CCDC187: variants seen among roughly 807,000 people sequenced by gnomAD.
CCDC187 encodes coiled-coil domain-containing protein 187.
A neutral mutation model predicts 38.0 loss-of-function variants in CCDC187; 32 were observed. The observed-to-expected ratio is 0.84, with a 90% CI of 0.64 to 1.13. The LOEUF is 1.13. CCDC187 is among the 50% of genes most tolerant of loss of function. CCDC187 has a pLI of 0.00. For synonymous variants in CCDC187, 333 were observed against 347.9 expected, an observed-to-expected ratio of 0.96 and a Z score of 0.48; for missense variants, 707 against 786.8, an observed-to-expected ratio of 0.90 and a Z score of 1.21.
In CCDC187 at chr9:136,254,564, GAC is replaced by G. The variant is rs1554760029; in HGVS notation, c.5262_5263del (p.Ser1755ArgfsTer113). ...CTCCCAAACTTTGCTGGAGGCCTCT[GAC>G]AGCTCTGACCCTGACCTTGGAGAGG... On this transcript the variant is annotated frameshift_variant, in exon 26 of 26. Coordinates refer to ENST00000638797, the MANE Select transcript of CCDC187 (RefSeq NM_001378188.1). LOFTEE classifies it low-confidence loss of function (END_TRUNC). 1.0e-6 allele frequency: 1 copy of G among 985,418 alleles called. No individual in the cohort carries two copies. The highest frequency in any genetic ancestry group is 6.1e-5 in the Admixed American group (1 of 16,276). The allele number at this position is 985,418 out of a possible 1,614,324, so 61.0% of individuals were successfully genotyped here.
In CCDC187 at chr9:136,300,983, G is replaced by A. The variant is rs1030866981; in HGVS notation, c.626-665C>T. 5.8e-3 allele frequency among the ~76,000 whole-genome samples: 886 copies of A among 152,344 alleles called. 8 individuals carry two copies. The highest frequency in any genetic ancestry group is 0.028 in the South Asian group (134 of 4,826). ...TGGGGCCATCAGGAGCTGCACCAGCGCTTGGCACGACGCAGGCATCTCACA... is the reference window on the plus strand; with the variant it reads ...TGGGGCCATCAGGAGCTGCACCAGCACTTGGCACGACGCAGGCATCTCACA... On this transcript the variant is annotated intron_variant, in intron 2 of 25. Coordinates refer to ENST00000638797, the MANE Select transcript of CCDC187 (RefSeq NM_001378188.1).
Position 136,303,756 on chromosome 9 carries a change from C to G in CCDC187, c.75G>C (p.Gln25His), listed in dbSNP as rs1452643188. The G allele has an allele frequency of 6.6e-6, 1 of 152,330 alleles. No homozygotes were observed. Among genetic ancestry groups the G allele is most frequent in the Non-Finnish European group, 1.5e-5 (1 of 68,102 alleles). 9.4% of individuals were successfully genotyped at this position (152,330 alleles called of 1,614,324 possible). A position where few individuals can be genotyped will look rare whatever the true frequency, so the allele number is the denominator to read the frequency against. The change falls in exon 1 of 26, where the codon CAG becomes CAC. Residue 25 changes from glutamine (Q) to histidine (H), a missense_variant. Transcript: ENST00000638797. Reference sequence around the variant, plus strand: ...CCCCATGGGAGAAGGGGCCCTGCCTCTGGCTGTTCTTGTGGCAGGGCTGAG... The same window carrying G: ...CCCCATGGGAGAAGGGGCCCTGCCTGTGGCTGTTCTTGTGGCAGGGCTGAG... ...DTPQPCHKNS[Q>H]RQGPFSHGAP... is the part of the protein sequence containing the mutation.
In CCDC187 at chr9:136,253,155, T is replaced by C. The variant is rs1554759782; in HGVS notation, c.*439A>G. 1 of 152,266 alleles carries C rather than the reference T, an allele frequency of 6.6e-6. No individual in the cohort carries two copies. Among genetic ancestry groups the C allele is most frequent in the African/African-American group, 2.4e-5 (1 of 41,394 alleles). 9.4% of individuals were successfully genotyped at this position (152,266 alleles called of 1,614,324 possible). ...AGGGACCCTGCCGCAGGTGAGGCAG[T>C]GTCCAGGAGCTCATCCAGACCCACT... On this transcript the variant is annotated 3_prime_UTR_variant, in exon 26 of 26. Transcript: ENST00000638797.
intron 20 of CCDC187, 26 bp downstream of exon 20, chr9:136,260,093 G>A: frequency 1.0e-6 from 1 of 985,422 alleles, no homozygotes; most frequent in Non-Finnish European, 1.2e-6. Flanking sequence ...GTCTGACCCT[G>A]GGCGGTCGCC....
chr9:136,298,691 G>A (rs1831596840), intron 3 of CCDC187, among the ~76,000 whole-genome samples: 1 of 152,236 alleles, frequency 6.6e-6, no homozygotes, highest in African/African-American at 2.4e-5. Flanking sequence ...CAAGAGCCAG[G>A]TCCTCTGCAA....
Position 136,292,173 on chromosome 9 carries a change from TGAGAGCCGGGTCTCTCGA to T in CCDC187, c.937_954del (p.Ser313_Leu318del). 2.5e-6 allele frequency: 1 copy of T among 398,612 alleles called. No homozygotes were observed. Among genetic ancestry groups the T allele is most frequent in the African/African-American group, 2.1e-5 (1 of 48,590 alleles). 24.7% of individuals were successfully genotyped at this position (398,612 alleles called of 1,614,324 possible). A position where few individuals can be genotyped will look rare whatever the true frequency, so the allele number is the denominator to read the frequency against. ...GAGGCACAGGTACCTAAGTCCACGGTGAGAGCCGGGTCTCTCGAGGGATCCTTGCTATGGTGCCTGCGG... is the reference window on the plus strand; with the variant it reads ...GAGGCACAGGTACCTAAGTCCACGGTGGGATCCTTGCTATGGTGCCTGCGG... On this transcript the variant is annotated inframe_deletion, in exon 5 of 26. Coordinates refer to ENST00000638797, the MANE Select transcript of CCDC187 (RefSeq NM_001378188.1).
intron 9 of CCDC187, among the ~76,000 whole-genome samples, chr9:136,282,735 G>A (rs1294948956): frequency 6.6e-6 from 1 of 152,244 alleles, no homozygotes; most frequent in African/African-American, 2.4e-5. Flanking sequence ...GCTGTGCAGG[G>A]TCTGGTCATG....
rs72775710 is a variant in CCDC187 at position 136,254,804 on chromosome 9, C to T, written c.5024G>A (p.Gly1675Glu). ...CCAGGACAAAGGCAGGCCAGCTTCC[C>T]CCGAGGAGTGTCGGGCAGAGAGCTC... Reference protein sequence around the residue: ...PGELSARHSSGEAGLPLSWRS... With the variant: ...PGELSARHSSEEAGLPLSWRS... Residue 1675 changes from glycine (G) to glutamate (E), a missense_variant, in exon 26 of 26, where the codon GGG (glycine) becomes GAG (glutamate). Gly to Glu is a moderately conservative substitution (Grantham distance 98). Transcript: ENST00000638797. The T allele has an allele frequency of 0.2, 193,244 of 985,340 alleles. 19,534 individuals are homozygous for T. Among genetic ancestry groups the T allele is most frequent in the Admixed American group, 0.27 (4,353 of 16,280 alleles). The allele number at this position is 985,340 out of a possible 1,614,324, so 61.0% of individuals were successfully genotyped here.
intron 19 of CCDC187, among the ~76,000 whole-genome samples, chr9:136,261,511 C>T (rs1830678703): frequency 6.6e-6 from 1 of 152,202 alleles, no homozygotes; most frequent in Non-Finnish European, 1.5e-5. Context: ...ATAAGCAAAC[C>T]CTGGGGGACC....
chr9:136,306,231 T>C (rs962285240), upstream of CCDC187, among the ~76,000 whole-genome samples: 1 of 152,062 alleles, frequency 6.6e-6, no homozygotes, highest in Non-Finnish European at 1.5e-5. Flanking sequence ...GCCAGCCACA[T>C]CCCCACCCTA....
intron 16 of CCDC187, 82 bp downstream of exon 16, chr9:136,267,302 G>GGGGGCGGGGCTACAGC (rs1564310262): frequency 6.8e-5 from 63 of 932,962 alleles, no homozygotes; most frequent in Non-Finnish European, 7.5e-5. Flanking sequence ...GGGGCAGGGA[G>GGGGGCGGGGCTACAGC]GGGGCGGGGC....
chr9:136,284,431 C>T (rs2131268269), intron 9 of CCDC187, among the ~76,000 whole-genome samples: 1 of 152,326 alleles, frequency 6.6e-6, no homozygotes, highest in South Asian at 2.1e-4. Context: ...CTCCTGCTTG[C>T]CCCGCCCGTG....
rs1831189286 is a variant in CCDC187 at position 136,286,638 on chromosome 9, C to T, written c.2280G>A (p.Gly760=). 5.0e-6 allele frequency: 2 copies of T among 398,864 alleles called. No homozygotes were observed. The highest frequency in any genetic ancestry group is 8.8e-6 in the Non-Finnish European group (2 of 226,244). 24.7% of individuals were successfully genotyped at this position (398,864 alleles called of 1,614,324 possible). ...WNHAETLDPP[G]MGGPQDGRDA... Reference sequence around the variant, plus strand: ...CCCGGCCATCTTGGGGGCCCCCCATCCCTGGGGGATCTAGGGTCTCAGCAT... The same window carrying T: ...CCCGGCCATCTTGGGGGCCCCCCATTCCTGGGGGATCTAGGGTCTCAGCAT... The change falls in exon 8 of 26, where the codon GGG becomes GGA. Residue 760 remains glycine, a synonymous_variant. Coordinates refer to ENST00000638797, the MANE Select transcript of CCDC187 (RefSeq NM_001378188.1).
chr9:136,285,167 G>A (rs1467847111), intron 9 of CCDC187, among the ~76,000 whole-genome samples: 5 of 152,084 alleles, frequency 3.3e-5, no homozygotes, highest in South Asian at 2.1e-4. Context: ...CGCCGGGCCC[G>A]GATGGCAAGG....
At chr9:136,273,186 T>C (rs962173929) in intron 14 of CCDC187, among the ~76,000 whole-genome samples, 2 of 152,320 alleles carry the variant, frequency 1.3e-5, no homozygotes, top group Middle Eastern at 6.8e-3. Context: ...TCACGTTCAA[T>C]GTGAATAGTG....
upstream of CCDC187, among the ~76,000 whole-genome samples, chr9:136,306,478 A>G (rs913718313): frequency 1.3e-5 from 2 of 152,208 alleles, no homozygotes; most frequent in African/African-American, 4.8e-5. Flanking sequence ...GCAGATGCTT[A>G]TCGCTGGAAG....
At chr9:136,291,904 C>T (rs1831340516) in intron 5 of CCDC187, among the ~76,000 whole-genome samples, 1 of 152,206 alleles carries the variant, frequency 6.6e-6, no homozygotes, top group South Asian at 2.1e-4. Context: ...GAGAGAGCCT[C>T]GGCAGCATGC....
intron 23 of CCDC187, 56 bp downstream of exon 23, chr9:136,256,649 C>G (rs1042280938): frequency 6.6e-6 from 1 of 152,304 alleles, no homozygotes; most frequent in Non-Finnish European, 1.5e-5. Flanking sequence ...CAGGGCCACA[C>G]AGCAAGGCCG....
In CCDC187 at chr9:136,302,988, G is replaced by A. The variant is rs1038737994; in HGVS notation, c.449C>T (p.Ala150Val). The change falls in exon 2 of 26, where the codon GCG (alanine) becomes GTG (valine). Residue 150 changes from alanine to valine, a missense_variant. Coordinates refer to ENST00000638797, the MANE Select transcript of CCDC187 (RefSeq NM_001378188.1). ...GPQQRPRKSD[A>V]RLEQLRDKIR... ...CTTGTCTCTCAGCTGCTCCAGCCGCGCGTCACTCTTTCTGGGCCTCTGCTG... is the reference window on the plus strand; with the variant it reads ...CTTGTCTCTCAGCTGCTCCAGCCGCACGTCACTCTTTCTGGGCCTCTGCTG... 886 of 398,752 alleles carry A rather than the reference G, an allele frequency of 2.2e-3. 9 individuals carry two copies. Among genetic ancestry groups the A allele is most frequent in the African/African-American group, 0.016 (768 of 48,758 alleles). 24.7% of individuals were successfully genotyped at this position (398,752 alleles called of 1,614,324 possible). A position where few individuals can be genotyped will look rare whatever the true frequency, so the allele number is the denominator to read the frequency against.
Sources: gnomAD v4.1 joint callset for allele counts (sites outside exome capture counted in the v4.1 genomes callset) on GRCh38, gnomAD v4.1.1 for gene constraint, MANE v1.5 for transcripts, NCBI Gene and HGNC (gene_info 2026-07-23, HGNC 2026-07-21) for gene names.